The following VPS13B variants were observed in gnomAD, a reference collection of about 807,000 sequenced individuals.
VPS13B encodes the protein vacuolar protein sorting 13 homolog B.
In VPS13B, 285 loss-of-function variants were observed where a neutral mutation model predicts 426.4. That is an observed-to-expected ratio of 0.67 (90% confidence interval 0.61 to 0.74). The LOEUF (loss-of-function observed/expected upper bound fraction) is 0.74. Among genes scored for constraint, VPS13B ranks in the 30% least tolerant of loss-of-function variants. VPS13B has a pLI of 0.00. For synonymous variants in VPS13B, 1,676 were observed against 1,676.4 expected, an observed-to-expected ratio of 1.00 and a Z score of 0.01; for missense variants, 4,537 against 4,782.6, an observed-to-expected ratio of 0.95 and a Z score of 1.51.
chr8:99,680,104 A>G (rs1193259255), intron 35 of VPS13B, among the ~76,000 whole-genome samples: 4 of 152,212 alleles, frequency 2.6e-5, no homozygotes. Flanking sequence ...TTCCACAGGA[A>G]GAAACACTTA....
At chr8:99,036,437 T>A (rs1299176091) in intron 2 of VPS13B, among the ~76,000 whole-genome samples, 5 of 152,198 alleles carry the variant, frequency 3.3e-5, no homozygotes, top group African/African-American at 1.2e-4. Context: ...AATTCCTTTT[T>A]TGGTTATCTT....
At chr8:99,231,028 T>G (rs1336825424) in intron 17 of VPS13B, among the ~76,000 whole-genome samples, 2 of 152,238 alleles carry the variant, frequency 1.3e-5, no homozygotes, top group Non-Finnish European at 2.9e-5. Flanking sequence ...AATGTTTCAG[T>G]GTTTATTTTT....
intron 59 of VPS13B, 79 bp downstream of exon 59, chr8:99,868,544 T>C (rs1817219834): frequency 8.5e-6 from 13 of 1,522,880 alleles, no homozygotes; most frequent in Non-Finnish European, 1.2e-5. Flanking sequence ...CCTAAGATAG[T>C]GTAACCTTTC....
intron 39 of VPS13B, among the ~76,000 whole-genome samples, chr8:99,722,691 T>G (rs544500010): frequency 6.6e-6 from 1 of 152,122 alleles, no homozygotes; most frequent in South Asian, 2.1e-4. Context: ...GTATTTTTAG[T>G]AGAGATGGGG....
At position 99,308,152 on chromosome 8, in the gene VPS13B, C is replaced by CT. The variant is rs1041676992; in HGVS notation, c.2824+32907dup. ...TTGATTTTTTAAAATTTCGTTTAGA[C>CT]TTTTTTTTTGTTTTATTTTTTATTT... On this transcript the variant is annotated intron_variant, in intron 19 of 61. Transcript: ENST00000357162. Among the ~76,000 whole-genome samples the CT allele has an allele frequency of 4.0e-5, 6 of 149,950 alleles. No homozygotes were observed. The South Asian group carries it at 6.3e-4, about 16-fold the overall frequency.
At chr8:99,835,976 C>G (rs1278634550) in intron 54 of VPS13B, among the ~76,000 whole-genome samples, 2 of 152,018 alleles carry the variant, frequency 1.3e-5, no homozygotes, top group East Asian at 3.9e-4. Context: ...AAAAGCAGGC[C>G]CATCTTGGAT....
chr8:99,119,419 T>G (rs564811037), intron 7 of VPS13B: 1 of 152,262 alleles, frequency 6.6e-6, no homozygotes, highest in African/African-American at 2.4e-5. Flanking sequence ...TGATAAATTT[T>G]GTTTTGTTTT....
intron 20 of VPS13B, among the ~76,000 whole-genome samples, chr8:99,387,340 C>T (rs1814181763): frequency 6.6e-6 from 1 of 152,016 alleles, no homozygotes; most frequent in South Asian, 2.1e-4. Context: ...TTCTAAGCCT[C>T]CTGAGTAGCA....
intron 30 of VPS13B, among the ~76,000 whole-genome samples, chr8:99,538,762 C>A (rs1319902598): frequency 1.3e-5 from 2 of 152,258 alleles, no homozygotes; most frequent in African/African-American, 4.8e-5. Flanking sequence ...TTATTGATTT[C>A]TTTAGAATAA....
intron 28 of VPS13B, chr8:99,507,757 C>G: frequency 6.2e-7 from 1 of 1,613,926 alleles, no homozygotes; most frequent in South Asian, 1.1e-5. Flanking sequence ...TTGCTCCTGT[C>G]CATCACTTCA....
chr8:99,071,014 G>A (rs541628713), intron 3 of VPS13B, among the ~76,000 whole-genome samples: 4 of 151,914 alleles, frequency 2.6e-5, no homozygotes, highest in South Asian at 4.2e-4. Context: ...CTTGAAGTTC[G>A]TTGAGCTTAA....
intron 19 of VPS13B, among the ~76,000 whole-genome samples, chr8:99,338,716 A>T (rs1360832810): frequency 6.6e-6 from 1 of 152,134 alleles, no homozygotes; most frequent in African/African-American, 2.4e-5. Flanking sequence ...AGTGTCTCTC[A>T]ATCGTTTATA....
chr8:99,653,898 GA>G (rs1169122898), intron 34 of VPS13B, among the ~76,000 whole-genome samples: 3 of 152,076 alleles, frequency 2.0e-5, no homozygotes, highest in Non-Finnish European at 2.9e-5. Context: ...CAGAGCATGT[GA>G]AATACTGCTT....
At chr8:99,379,361 C>CG (rs775349417) in intron 19 of VPS13B, among the ~76,000 whole-genome samples, 7 of 151,844 alleles carry the variant, frequency 4.6e-5, no homozygotes, top group South Asian at 2.1e-4. Flanking sequence ...GGCGGATGGG[C>CG]GGGGGGGCAA....
At chr8:99,579,936 G>C (rs979550331) in intron 33 of VPS13B, among the ~76,000 whole-genome samples, 2 of 152,068 alleles carry the variant, frequency 1.3e-5, no homozygotes, top group African/African-American at 4.8e-5. Flanking sequence ...GACCTCAGGT[G>C]ATCTGGCCCC....
intron 17 of VPS13B, 62 bp from the exon 18 acceptor site, chr8:99,274,136 G>A (rs1172771490): frequency 6.2e-7 from 1 of 1,605,096 alleles, no homozygotes; most frequent in Non-Finnish European, 8.5e-7. Flanking sequence ...ATGCCTTGGT[G>A]AAGGAATATA....
At chr8:99,177,875 C>G (rs1043765782) in intron 16 of VPS13B, among the ~76,000 whole-genome samples, 1 of 152,144 alleles carries the variant, frequency 6.6e-6, no homozygotes, top group Non-Finnish European at 1.5e-5. Flanking sequence ...TTTGGCTTTG[C>G]CTGTGCACAG....
chr8:99,831,283 G>T (rs564071339), intron 51 of VPS13B, among the ~76,000 whole-genome samples: 2 of 151,894 alleles, frequency 1.3e-5, no homozygotes, highest in East Asian at 3.9e-4. Flanking sequence ...ATGTTGGCCA[G>T]GCTGGTCTCA....
intron 5 of VPS13B, among the ~76,000 whole-genome samples, chr8:99,106,390 G>C (rs1466399672): frequency 7.4e-6 from 1 of 135,694 alleles, no homozygotes; most frequent in Admixed American, 7.9e-5. Context: ...AGTCGAAATT[G>C]TGCCACTGCA....
Sources: gnomAD v4.1 joint callset for allele counts (sites outside exome capture counted in the v4.1 genomes callset) on GRCh38, gnomAD v4.1.1 for gene constraint, MANE v1.5 for transcripts, NCBI Gene and HGNC (gene_info 2026-07-23, HGNC 2026-07-21) for gene names.